The following CACNB2 variants were observed in gnomAD, a reference collection of about 807,000 sequenced individuals.
CACNB2 encodes calcium voltage-gated channel auxiliary subunit beta 2.
In CACNB2, 42 loss-of-function variants were observed where a neutral mutation model predicts 73.3. The observed-to-expected ratio is 0.57, with a 90% CI of 0.45 to 0.74. The LOEUF (loss-of-function observed/expected upper bound fraction) is 0.74. Ranked by LOEUF, CACNB2 falls within the 30% of genes least tolerant of loss-of-function variation. The pLI is 0.00. For missense variants in CACNB2, 940 were observed against 853.0 expected (o/e 1.10, Z -1.27); for synonymous variants, 348 against 310.3 (o/e 1.12, Z -1.28).
At chr10:18,144,958 A>G (rs1320742784) in intron 1 of CACNB2, among the ~76,000 whole-genome samples, 3 of 152,188 alleles carry the variant, frequency 2.0e-5, no homozygotes, top group Non-Finnish European at 4.4e-5. Flanking sequence ...GAAGCAGGTG[A>G]CAGGGATTGA....
Position 18,409,752 on chromosome 10 carries a change from A to G in CACNB2, c.333+7709A>G, listed in dbSNP as rs557796309. On this transcript the variant is annotated intron_variant, in intron 3 of 13. Coordinates refer to ENST00000324631, the MANE Select transcript of CACNB2 (RefSeq NM_201596.3). Reference sequence around the variant, plus strand: ...GCACCATTATCTTTTAATCTGGCCAATGCCCCAGAGAGGACTCCCCCAGTC... The same window carrying G: ...GCACCATTATCTTTTAATCTGGCCAGTGCCCCAGAGAGGACTCCCCCAGTC... 2.3e-4 allele frequency among the ~76,000 whole-genome samples: 35 copies of G among 152,240 alleles called. No homozygotes were observed. The East Asian group carries it at 5.0e-3, about 22-fold the overall frequency.
chr10:18,390,649 A>AT (rs78346318), intron 2 of CACNB2, among the ~76,000 whole-genome samples: 23,101 of 152,170 alleles, frequency 0.15, 2,026 homozygotes, highest in East Asian at 0.23. Context: ...TATTGGCTTG[A>AT]TTTTTGAAAC....
intron 2 of CACNB2, among the ~76,000 whole-genome samples, chr10:18,228,455 A>AAG (rs1169644728): frequency 6.7e-6 from 1 of 150,018 alleles, no homozygotes; most frequent in African/African-American, 2.5e-5. Context: ...AAAAAGAAAA[A>AAG]AAAAAAGAAA....
chr10:18,273,978 C>T (rs1232645140), intron 2 of CACNB2, among the ~76,000 whole-genome samples: 1 of 152,094 alleles, frequency 6.6e-6, no homozygotes, highest in Admixed American at 6.6e-5. Flanking sequence ...TCTGAACAAA[C>T]ACTGTTCTGT....
intron 2 of CACNB2, among the ~76,000 whole-genome samples, chr10:18,208,978 C>T (rs552781288): frequency 9.2e-5 from 14 of 152,174 alleles, no homozygotes; most frequent in Admixed American, 2.0e-4. Context: ...ACTGTAAAAT[C>T]GCTGGAAGTT....
chr10:18,387,068 G>T (rs1211645376), intron 2 of CACNB2, among the ~76,000 whole-genome samples: 1 of 152,100 alleles, frequency 6.6e-6, no homozygotes, highest in Non-Finnish European at 1.5e-5. Context: ...GTTTCAGAAG[G>T]CAGATCTAGC....
chr10:18,276,949 C>T lies in CACNB2; in HGVS notation c.214-124975C>T, dbSNP rs1329891635. Among the ~76,000 whole-genome samples, 3 of 151,910 alleles carry T rather than the reference C, an allele frequency of 2.0e-5. No homozygotes were observed. In the East Asian group the frequency reaches 5.8e-4, roughly 29 times the overall value. ...CAACATAACGAAACCCCCATCTCCA[C>T]AAAAAAATTAAAAAATTATTAGCCT... On this transcript the variant is annotated intron_variant, in intron 2 of 13. Coordinates refer to ENST00000324631, the MANE Select transcript of CACNB2 (RefSeq NM_201596.3).
At position 18,242,684 on chromosome 10, in the gene CACNB2, A is replaced by G. The variant is rs529863857; in HGVS notation, c.213+91709A>G. On this transcript the variant is annotated intron_variant, in intron 2 of 13. Transcript: ENST00000324631. ...ACAATTAAAAGTAGAGAAATTTTAA[A>G]GAAAACATGCAAAAAGTTGGCCGGG... Among the ~76,000 whole-genome samples the G allele has an allele frequency of 2.1e-4, 32 of 152,250 alleles. No homozygotes were observed. In the South Asian group the frequency reaches 2.5e-3, roughly 12 times the overall value.
chr10:18,540,916 A>T lies in CACNB2; in HGVS notation c.*1192A>T, dbSNP rs780028626. On this transcript the variant is annotated 3_prime_UTR_variant, in exon 14 of 14. Transcript: ENST00000324631. ...GGGAATGTGAGTAAGCTTGCTGCCA[A>T]AGGTAACTAGGAAAGCATTCATCTG... The T allele has an allele frequency of 7.9e-5, 12 of 152,638 alleles. No individual in the cohort carries two copies. The highest frequency in any genetic ancestry group is 2.1e-4 in the South Asian group (1 of 4,832). 9.5% of individuals were successfully genotyped at this position (152,638 alleles called of 1,614,324 possible). A position where few individuals can be genotyped will look rare whatever the true frequency, so the allele number is the denominator to read the frequency against.
intron 9 of CACNB2, 88 bp from the exon 10 acceptor site, chr10:18,527,500 A>ATACT (rs1589700333): frequency 1.2e-6 from 1 of 814,602 alleles, no homozygotes; most frequent in East Asian, 2.4e-5. Context: ...TATATATTTC[A>ATACT]TACTTAGATG....
At chr10:18,311,160 T>A (rs2039950014) in intron 2 of CACNB2, among the ~76,000 whole-genome samples, 1 of 152,184 alleles carries the variant, frequency 6.6e-6, no homozygotes, top group Non-Finnish European at 1.5e-5. Context: ...CTGAAATTGG[T>A]TTATCTGCTT....
chr10:18,326,768 C>T (rs1017690000), intron 2 of CACNB2, among the ~76,000 whole-genome samples: 2 of 152,126 alleles, frequency 1.3e-5, no homozygotes, highest in African/African-American at 4.8e-5. Flanking sequence ...ACTCTGTTGC[C>T]CAAGTTGGAG....
At position 18,217,699 on chromosome 10, in the gene CACNB2, C is replaced by T. The variant is rs149957159; in HGVS notation, c.213+66724C>T. Among the ~76,000 whole-genome samples, 549 of 151,392 alleles carry T rather than the reference C, an allele frequency of 3.6e-3. 3 individuals carry two copies. Among genetic ancestry groups the T allele is most frequent in the African/African-American group, 0.013 (522 of 41,266 alleles). ...ATAATCACATGCTTATCTAGGAGAACATTCCAAGCAGAGAGAACAGCCATT... is the reference window on the plus strand; with the variant it reads ...ATAATCACATGCTTATCTAGGAGAATATTCCAAGCAGAGAGAACAGCCATT... On this transcript the variant is annotated intron_variant, in intron 2 of 13. Coordinates refer to ENST00000324631, the MANE Select transcript of CACNB2 (RefSeq NM_201596.3).
At chr10:18,187,817 G>A (rs936740626) in intron 2 of CACNB2, among the ~76,000 whole-genome samples, 2 of 152,238 alleles carry the variant, frequency 1.3e-5, no homozygotes, top group South Asian at 2.1e-4. Flanking sequence ...TATAAAGACC[G>A]AACGATGCTC....
At chr10:18,172,498 A>AT (rs904664821) in intron 2 of CACNB2, among the ~76,000 whole-genome samples, 2 of 151,574 alleles carry the variant, frequency 1.3e-5, no homozygotes, top group Non-Finnish European at 1.5e-5. Flanking sequence ...TTTTTTTGTA[A>AT]TTTTTTTTCA....
chr10:18,495,563 G>GTTTA (rs200332006), intron 3 of CACNB2, among the ~76,000 whole-genome samples: 111 of 144,578 alleles, frequency 7.7e-4, no homozygotes, highest in African/African-American at 3.0e-3. Context: ...GTGTGTGTGT[G>GTTTA]TGTGTGTGTG....
intron 2 of CACNB2, among the ~76,000 whole-genome samples, chr10:18,289,926 T>C (rs1588952582): frequency 6.6e-6 from 1 of 151,858 alleles, no homozygotes; most frequent in Non-Finnish European, 1.5e-5. Flanking sequence ...TAAAAATATA[T>C]AGATGAGCAA....
intron 2 of CACNB2, among the ~76,000 whole-genome samples, chr10:18,361,250 G>C (rs1288981899): frequency 6.6e-6 from 1 of 151,858 alleles, no homozygotes; most frequent in Non-Finnish European, 1.5e-5. Flanking sequence ...CCAGCAACTG[G>C]GGAGGCTGAG....
At chr10:18,324,992 G>C (rs1323375043) in intron 2 of CACNB2, among the ~76,000 whole-genome samples, 1 of 152,238 alleles carries the variant, frequency 6.6e-6, no homozygotes, top group Non-Finnish European at 1.5e-5. Context: ...CATGTCGCCT[G>C]TGCTGAGAAG....
Sources: allele counts gnomAD v4.1 joint callset (sites outside exome capture counted in the v4.1 genomes callset), GRCh38; gene constraint gnomAD v4.1.1; transcripts MANE v1.5; gene names NCBI Gene and HGNC (gene_info 2026-07-23, HGNC 2026-07-21).